The following SLC24A2 variants were observed in gnomAD, a reference collection of about 807,000 sequenced individuals.
SLC24A2 encodes solute carrier family 24 member 2.
In SLC24A2, 36 loss-of-function variants were observed where a neutral mutation model predicts 62.0. The ratio of observed to expected loss-of-function variants is 0.58; its 90% CI spans 0.44 to 0.77. The LOEUF is 0.77. SLC24A2 is among the 30% of genes least tolerant of loss of function. The pLI, the probability that SLC24A2 is intolerant of heterozygous loss-of-function variation, is 0.00. For missense variants in SLC24A2, 846 were observed against 817.9 expected (o/e 1.03, Z -0.42); for synonymous variants, 358 against 294.0 (o/e 1.22, Z -2.23).
chr9:19,576,656 G>A (rs1241142901), intron 6 of SLC24A2, among the ~76,000 whole-genome samples: 1 of 152,228 alleles, frequency 6.6e-6, no homozygotes, highest in Non-Finnish European at 1.5e-5. Context: ...GAATGGAGAT[G>A]ACTAGTTAAG....
chr9:20,265,441 T>C, the SLC24A2 span, among the ~76,000 whole-genome samples: 1 of 152,242 alleles, frequency 6.6e-6, no homozygotes, highest in African/African-American at 2.4e-5. Context: ...TATAATTTCT[T>C]ACGCCTGTCT....
the SLC24A2 span, among the ~76,000 whole-genome samples, chr9:20,137,479 A>C: frequency 6.6e-6 from 1 of 152,284 alleles, no homozygotes; most frequent in Non-Finnish European, 1.5e-5. Flanking sequence ...TCAAATCTTT[A>C]TAGTTTTTGT....
chr9:20,103,624 C>A, the SLC24A2 span, among the ~76,000 whole-genome samples: 6 of 152,324 alleles, frequency 3.9e-5, 1 homozygote, highest in South Asian at 1.0e-3. Flanking sequence ...TCCAAGAGAC[C>A]TGGAGCTGAG....
chr9:19,763,277 C>T (rs1358630750), intron 2 of SLC24A2, among the ~76,000 whole-genome samples: 5 of 152,184 alleles, frequency 3.3e-5, no homozygotes, highest in Admixed American at 3.3e-4. Flanking sequence ...GATAATTTGA[C>T]TTTCTCTTTT....
chr9:19,961,021 T>TGG, the SLC24A2 span, among the ~76,000 whole-genome samples: 387 of 135,066 alleles, frequency 2.9e-3, 1 homozygote, highest in Non-Finnish European at 4.8e-3. Flanking sequence ...ATTAGAGGGG[T>TGG]GGGTGTGTGT....
the SLC24A2 span, among the ~76,000 whole-genome samples, chr9:19,798,977 C>A: frequency 2.0e-5 from 3 of 151,680 alleles, no homozygotes; most frequent in Non-Finnish European, 4.4e-5. Context: ...AGAATCTCCT[C>A]CCTCATTTTC....
At chr9:19,684,508 C>A (rs1587148426) in intron 2 of SLC24A2, among the ~76,000 whole-genome samples, 1 of 152,000 alleles carries the variant, frequency 6.6e-6, no homozygotes, top group East Asian at 1.9e-4. Flanking sequence ...AAGACCCACA[C>A]TACAAGTGAG....
chr9:19,560,135 C>G (rs1057147835), intron 7 of SLC24A2, among the ~76,000 whole-genome samples: 1 of 152,130 alleles, frequency 6.6e-6, no homozygotes, highest in Admixed American at 6.5e-5. Context: ...GATAAAGCAT[C>G]ATTTGCTTTT....
the SLC24A2 span, among the ~76,000 whole-genome samples, chr9:20,267,851 C>T: frequency 3.9e-5 from 6 of 152,082 alleles, no homozygotes; most frequent in African/African-American, 1.4e-4. Context: ...ATGAGTCAAT[C>T]GTGTAAGGAG....
the SLC24A2 span, among the ~76,000 whole-genome samples, chr9:19,837,068 G>A: frequency 1.3e-5 from 2 of 152,078 alleles, no homozygotes; most frequent in Admixed American, 1.3e-4. Context: ...GGTATTGATG[G>A]GACGTATCTC....
the SLC24A2 span, among the ~76,000 whole-genome samples, chr9:20,104,747 G>A: frequency 1.3e-5 from 2 of 152,196 alleles, no homozygotes; most frequent in African/African-American, 2.4e-5. Context: ...GCAAAATCAT[G>A]CCAAATTGTA....
chr9:20,279,117 A>T, the SLC24A2 span, among the ~76,000 whole-genome samples: 1 of 151,898 alleles, frequency 6.6e-6, no homozygotes, highest in Non-Finnish European at 1.5e-5. Context: ...AAAAAAACCT[A>T]TCCCCATGAT....
At chr9:20,232,107 C>A in the SLC24A2 span, among the ~76,000 whole-genome samples, 1 of 152,158 alleles carries the variant, frequency 6.6e-6, no homozygotes, top group African/African-American at 2.4e-5. Context: ...GGTGGATAAG[C>A]TTTTTGATGT....
chr9:19,752,159 G>C (rs1224248814), intron 2 of SLC24A2, among the ~76,000 whole-genome samples: 1 of 152,116 alleles, frequency 6.6e-6, no homozygotes, highest in East Asian at 1.9e-4. Context: ...GAAGAAATAA[G>C]AACGGAAACT....
the SLC24A2 span, among the ~76,000 whole-genome samples, chr9:19,873,499 TTC>T: frequency 7.0e-6 from 1 of 142,070 alleles, no homozygotes; most frequent in African/African-American, 2.9e-5. Flanking sequence ...TTCTCTTTCT[TTC>T]TTTCTTTTTC....
the SLC24A2 span, among the ~76,000 whole-genome samples, chr9:19,842,874 A>T: frequency 6.6e-6 from 1 of 152,118 alleles, no homozygotes; most frequent in Admixed American, 6.6e-5. Context: ...GTTCCTGGGG[A>T]TCTCTCCCTT....
intron 2 of SLC24A2, among the ~76,000 whole-genome samples, chr9:19,780,518 G>A (rs1171848069): frequency 3.3e-5 from 5 of 151,422 alleles, no homozygotes; most frequent in Admixed American, 6.6e-5. Context: ...CACCTGCCTC[G>A]GCCTCCCAAA....
the SLC24A2 span, among the ~76,000 whole-genome samples, chr9:19,935,041 A>ATTTTAT: frequency 6.6e-6 from 1 of 151,196 alleles, no homozygotes; most frequent in African/African-American, 2.4e-5. Flanking sequence ...TATTTTATTT[A>ATTTTAT]TTTATTTTAT....
At chr9:20,133,406 A>C in the SLC24A2 span, among the ~76,000 whole-genome samples, 2 of 152,148 alleles carry the variant, frequency 1.3e-5, no homozygotes, top group East Asian at 3.9e-4. Context: ...TATAAATCTA[A>C]TAGGATACAT....
Sources: gnomAD v4.1 joint callset for allele counts (sites outside exome capture counted in the v4.1 genomes callset) on GRCh38, gnomAD v4.1.1 for gene constraint, MANE v1.5 for transcripts, NCBI Gene and HGNC (gene_info 2026-07-23, HGNC 2026-07-21) for gene names.